SIN3A: variants seen among roughly 807,000 people sequenced by gnomAD.
SIN3A encodes the protein paired amphipathic helix protein Sin3a.
Under a neutral mutation model 146.1 loss-of-function variants are expected in SIN3A, and 14 were observed. The ratio of observed to expected loss-of-function variants is 0.10; its 90% CI spans 0.06 to 0.15. SIN3A has a LOEUF of 0.15. SIN3A is among the 10% of genes least tolerant of loss of function. The probability of loss-of-function intolerance (pLI) is 1.00; values close to 1 mark genes in which losing one functional copy is unlikely to be tolerated. For synonymous variants in SIN3A, 572 were observed against 572.0 expected, an observed-to-expected ratio of 1.00 and a Z score of 0.00; for missense variants, 1,028 against 1,576.0, an observed-to-expected ratio of 0.65 and a Z score of 5.89.
chr15:75,391,395 C>G (rs957692270), intron 15 of SIN3A, among the ~76,000 whole-genome samples: 3 of 151,872 alleles, frequency 2.0e-5, no homozygotes, highest in Non-Finnish European at 1.5e-5. Flanking sequence ...CTCTTTCGAG[C>G]TAGGACTAGT....
Position 75,394,701 on chromosome 15 carries a change from C to A in SIN3A, c.2256G>T (p.Glu752Asp), listed in dbSNP as rs1302140128. 1 of 1,613,294 alleles carries A rather than the reference C, an allele frequency of 6.2e-7. No individual in the cohort carries two copies. The highest frequency in any genetic ancestry group is 1.3e-5 in the African/African-American group (1 of 74,862). ...KVLRSKSLLN[E>D]IESIYDERQE... Reference sequence around the variant, plus strand: ...TCACCTCATCATAGATACTCTCAATCTCATTGAGTAAGCTCTTAGACCTCA... The same window carrying A: ...TCACCTCATCATAGATACTCTCAATATCATTGAGTAAGCTCTTAGACCTCA... The change falls in exon 14 of 21, where the codon GAG becomes GAT. Residue 752 changes from glutamate (E) to aspartate (D), a missense_variant. Around this residue, in one of 9 missense-constraint regions of SIN3A, gnomAD observed 488 missense variants for 690.2 expected, o/e 0.71. Transcript: ENST00000394947.
chr15:75,449,654 C>A (rs953288213), intron 1 of SIN3A, among the ~76,000 whole-genome samples: 18 of 152,164 alleles, frequency 1.2e-4, no homozygotes, highest in Non-Finnish European at 1.0e-4. Flanking sequence ...AAAAGGGCAA[C>A]AACACTGTAC....
At chr15:75,387,760 A>G (rs2073117834) in intron 16 of SIN3A, among the ~76,000 whole-genome samples, 1 of 152,138 alleles carries the variant, frequency 6.6e-6, no homozygotes. Context: ...AGCAGCAGCA[A>G]GCCTGTAATC....
rs2072682933 is a variant in SIN3A at position 75,369,420 on chromosome 15, A to G, written c.*2559T>C. 1 of 151,786 alleles carries G rather than the reference A, an allele frequency of 6.6e-6. No homozygotes were observed. Among genetic ancestry groups the G allele is most frequent in the African/African-American group, 2.4e-5 (1 of 41,022 alleles). The allele number at this position is 151,786 out of a possible 1,614,324, so 9.4% of individuals were successfully genotyped here. A position where few individuals can be genotyped will look rare whatever the true frequency, so the allele number is the denominator to read the frequency against. ...AATGGAAATACTGACCAAGTTTACA[A>G]CATTTCAAATGCAGATCACACGGAA... is the stretch of plus-strand genomic sequence containing the variant. On this transcript the variant is annotated 3_prime_UTR_variant, in exon 21 of 21. Coordinates refer to ENST00000394947, the MANE Select transcript of SIN3A (RefSeq NM_001145358.2).
chr15:75,370,769 A>G lies in SIN3A; in HGVS notation c.*1210T>C, dbSNP rs559651904. On this transcript the variant is annotated 3_prime_UTR_variant, in exon 21 of 21. Transcript: ENST00000394947. ...TGAACAAGGGAAAAAAACACGTACT[A>G]AAAGACTTAAGTATTCTAAGATTTT... 6.6e-6 allele frequency: 1 copy of G among 152,328 alleles called. No homozygotes were observed. The highest frequency in any genetic ancestry group is 2.4e-5 in the African/African-American group (1 of 41,572). 9.4% of individuals were successfully genotyped at this position (152,328 alleles called of 1,614,324 possible).
rs74838609 is a variant in SIN3A at position 75,372,943 on chromosome 15, T to C, written c.3592-734A>G. ...ATCCTGGGTAGGACCCAGTGAGCCA[T>C]TGATCACTTCTATCAGCATGGAGAT... On this transcript the variant is annotated intron_variant, in intron 20 of 20. Transcript: ENST00000394947. 5.9e-4 allele frequency among the ~76,000 whole-genome samples: 89 copies of C among 152,132 alleles called. 2 individuals are homozygous for C. The highest frequency in any genetic ancestry group is 4.6e-3 in the South Asian group (22 of 4,818).
At chr15:75,442,827 G>C (rs2074240340) in intron 1 of SIN3A, among the ~76,000 whole-genome samples, 2 of 151,098 alleles carry the variant, frequency 1.3e-5, no homozygotes, top group South Asian at 4.2e-4. Flanking sequence ...AGCTACTTGG[G>C]AGGCTAAGGC....
In SIN3A at chr15:75,377,346, C is replaced by A. The variant is rs371681345; in HGVS notation, c.3384-1474G>T. ...TCACTTAAGAATGTTTCTGATGGGC[C>A]AGTCACAGTGGCTCATGCTTGTAAT... On this transcript the variant is annotated intron_variant, in intron 19 of 20. Transcript: ENST00000394947. Among the ~76,000 whole-genome samples, 5 of 152,032 alleles carry A rather than the reference C, an allele frequency of 3.3e-5. No homozygotes were observed. The East Asian group carries it at 9.7e-4, about 29-fold the overall frequency.
chr15:75,447,463 G>A (rs766107024), intron 1 of SIN3A, among the ~76,000 whole-genome samples: 11 of 152,128 alleles, frequency 7.2e-5, no homozygotes, highest in Admixed American at 1.3e-4. Context: ...TATGGTAGAG[G>A]GAGAGATCCC....
chr15:75,379,738 C>G (rs1208097301), intron 19 of SIN3A, among the ~76,000 whole-genome samples: 1 of 152,300 alleles, frequency 6.6e-6, no homozygotes, highest in Admixed American at 6.5e-5. Context: ...CAATTCAAAA[C>G]TTTTAGGAAG....
intron 17 of SIN3A, among the ~76,000 whole-genome samples, chr15:75,382,218 A>G (rs1339400277): frequency 6.6e-6 from 1 of 152,278 alleles, no homozygotes; most frequent in Non-Finnish European, 1.5e-5. Context: ...AAGGCACACC[A>G]CTAATCAATA....
chr15:75,440,203 T>C (rs1484201858), intron 1 of SIN3A, among the ~76,000 whole-genome samples: 1 of 152,036 alleles, frequency 6.6e-6, no homozygotes, highest in Non-Finnish European at 1.5e-5. Flanking sequence ...TCGTTATTAC[T>C]TACTATTTTA....
Position 75,409,962 on chromosome 15 carries a change from A to G in SIN3A, c.1191T>C (p.Val397=). ...VLLSKTTAEK[V]DSVRNDHGGT... ...CTCCATGATCATTTCTCACAGAATC[A>G]ACCTTCTCAGCAGTTGTTTTGCTTA... The change falls in exon 8 of 21, where the codon GTT becomes GTC. Residue 397 remains valine (V), a synonymous_variant. Coordinates refer to ENST00000394947, the MANE Select transcript of SIN3A (RefSeq NM_001145358.2). 6.2e-7 allele frequency: 1 copy of G among 1,614,190 alleles called. No individual in the cohort carries two copies. Among genetic ancestry groups the G allele is most frequent in the Non-Finnish European group, 8.5e-7 (1 of 1,180,044 alleles).
chr15:75,398,487 T>C (rs6495173), intron 12 of SIN3A, among the ~76,000 whole-genome samples: 90,361 of 151,270 alleles, frequency 0.6, 28,193 homozygotes, highest in African/African-American at 0.8. Context: ...ACCAGCCTGG[T>C]CAACATGGTG....
intron 17 of SIN3A, among the ~76,000 whole-genome samples, chr15:75,382,672 T>C (rs2072996265): frequency 6.6e-6 from 1 of 152,210 alleles, no homozygotes; most frequent in Non-Finnish European, 1.5e-5. Context: ...TCCGGTCAGA[T>C]GCAGTGGCTC....
intron 3 of SIN3A, among the ~76,000 whole-genome samples, chr15:75,417,930 G>A (rs1404573865): frequency 6.6e-6 from 1 of 152,166 alleles, no homozygotes; most frequent in African/African-American, 2.4e-5. Context: ...TCCAGTGTAA[G>A]GACACACATT....
intron 20 of SIN3A, among the ~76,000 whole-genome samples, chr15:75,374,874 T>C (rs1367307009): frequency 6.6e-6 from 1 of 152,174 alleles, no homozygotes; most frequent in East Asian, 1.9e-4. Context: ...ACCTGATTTG[T>C]TTCCCTGGTA....
chr15:75,378,681 G>A (rs1202850403), intron 19 of SIN3A, among the ~76,000 whole-genome samples: 2 of 152,108 alleles, frequency 1.3e-5, no homozygotes, highest in Non-Finnish European at 2.9e-5. Flanking sequence ...ATTTGCGTGA[G>A]GCCAGATTTT....
chr15:75,369,862 CAG>C lies in SIN3A; in HGVS notation c.*2115_*2116del, dbSNP rs1020981273. The C allele has an allele frequency of 5.9e-5, 9 of 152,388 alleles. No homozygotes were observed. The highest frequency in any genetic ancestry group is 2.2e-4 in the African/African-American group (9 of 41,588). 9.4% of individuals were successfully genotyped at this position (152,388 alleles called of 1,614,324 possible). On this transcript the variant is annotated 3_prime_UTR_variant, in exon 21 of 21. Transcript: ENST00000394947. The stretch of plus-strand genomic sequence containing the variant: ...TCAGTACACATGACCACCGCCAAGT[CAG>C]ACACTGCCCCAGCTTTGCCCTAAAA...
Sources: gnomAD v4.1 joint callset for allele counts (sites outside exome capture counted in the v4.1 genomes callset) on GRCh38, gnomAD v4.1.1 for gene constraint, gnomAD v4.1.1 regional missense constraint, MANE v1.5 for transcripts, NCBI Gene and HGNC (gene_info 2026-07-23, HGNC 2026-07-21) for gene names.